The following TMTC1 variants were observed in gnomAD, a reference collection of about 807,000 sequenced individuals.
The protein encoded by TMTC1 is transmembrane O-mannosyltransferase targeting cadherins 1, also known as protein O-mannosyl-transferase TMTC1.
TMTC1 carries 73 observed loss-of-function variants against 104.8 expected under a neutral mutation model. The ratio of observed to expected loss-of-function variants is 0.70; its 90% confidence interval spans 0.58 to 0.85. The LOEUF is 0.85. TMTC1 is among the 40% of genes least tolerant of loss of function. The pLI, the probability that TMTC1 is intolerant of heterozygous loss-of-function variation, is 0.00. For missense variants in TMTC1, 1,035 were observed against 1,096.1 expected, an observed-to-expected ratio of 0.94 and a Z score of 0.79; for synonymous variants, 434 against 428.7, an observed-to-expected ratio of 1.01 and a Z score of -0.15.
rs962296207 is a variant in TMTC1, at chr12:29,527,934, A to C, written c.1786-7214T>G. The stretch of plus-strand genomic sequence containing the variant: ...CAAGGGCAATGAATCACAGCCCTAC[A>C]CCTTCAGTAACCCCAATGGCAGTTT... On this transcript the variant is annotated intron_variant, in intron 11 of 17. Coordinates refer to ENST00000539277, the MANE Select transcript of TMTC1 (RefSeq NM_001193451.2). Among the ~76,000 whole-genome samples the C allele has an allele frequency of 2.6e-5, 4 of 152,280 alleles. No individual in the cohort carries two copies. In the South Asian group the frequency reaches 8.3e-4, roughly 32 times the overall value.
intron 5 of TMTC1, among the ~76,000 whole-genome samples, chr12:29,742,090 GA>G (rs894537691): frequency 6.7e-5 from 10 of 149,262 alleles, no homozygotes; most frequent in East Asian, 1.9e-4. Context: ...TGAAAACTAT[GA>G]AAAAAAAAAT....
Position 29,506,727 on chromosome 12 carries a change from G to A in TMTC1, c.*119C>T. ...CAGATGTCCCAAAATGTGTCACCCT[G>A]AACTCGGAATGAGAGAAAATCTCAT... On this transcript the variant is annotated 3_prime_UTR_variant, in exon 18 of 18. Coordinates refer to ENST00000539277, the MANE Select transcript of TMTC1 (RefSeq NM_001193451.2). 1 of 1,330,558 alleles carries A rather than the reference G, an allele frequency of 7.5e-7. No individual in the cohort carries two copies. The highest frequency in any genetic ancestry group is 1.1e-6 in the Non-Finnish European group (1 of 944,992). The allele number at this position is 1,330,558 out of a possible 1,614,324, so 82.4% of individuals were successfully genotyped here. A position where few individuals can be genotyped will look rare whatever the true frequency, so the allele number is the denominator to read the frequency against.
intron 1 of TMTC1, among the ~76,000 whole-genome samples, chr12:29,775,885 A>G (rs933869068): frequency 6.6e-6 from 1 of 152,054 alleles, no homozygotes; most frequent in African/African-American, 2.4e-5. Context: ...ACTCCTCCTT[A>G]GCATAAACTT....
chr12:29,528,856 C>G (rs1944419746), intron 11 of TMTC1, among the ~76,000 whole-genome samples: 1 of 151,724 alleles, frequency 6.6e-6, no homozygotes, highest in Admixed American at 6.6e-5. Context: ...TGCTAGTTTA[C>G]TTAATCATAA....
chr12:29,594,716 G>T (rs1438034450), intron 7 of TMTC1, among the ~76,000 whole-genome samples: 1 of 152,210 alleles, frequency 6.6e-6, no homozygotes, highest in African/African-American at 2.4e-5. Context: ...TCCCCGCAAA[G>T]TTACGGCCCA....
chr12:29,623,109 T>G (rs1374809606), intron 6 of TMTC1, among the ~76,000 whole-genome samples: 2 of 152,224 alleles, frequency 1.3e-5, no homozygotes, highest in Non-Finnish European at 2.9e-5. Context: ...TGGCCTGGAA[T>G]AGTCTGCAAT....
intron 16 of TMTC1, 64 bp from the exon 17 acceptor site, chr12:29,512,184 C>G (rs984730535): frequency 1.5e-6 from 2 of 1,344,450 alleles, no homozygotes; most frequent in African/African-American, 1.5e-5. Flanking sequence ...ATTGCAGAAA[C>G]CACTTTCTTC....
intron 5 of TMTC1, among the ~76,000 whole-genome samples, chr12:29,709,044 G>T (rs960767477): frequency 6.6e-6 from 1 of 152,128 alleles, no homozygotes; most frequent in Non-Finnish European, 1.5e-5. Context: ...AGAGTCAAAT[G>T]CCAAGATGAA....
chr12:29,514,427 G>C, intron 16 of TMTC1, 55 bp downstream of exon 16: 1 of 1,547,856 alleles, frequency 6.5e-7, no homozygotes, highest in Middle Eastern at 1.9e-4. Flanking sequence ...AAGATCAAAA[G>C]ACAATTAATT....
chr12:29,562,183 C>G (rs148898), intron 9 of TMTC1, among the ~76,000 whole-genome samples: 81,054 of 152,014 alleles, frequency 0.53, 24,698 homozygotes, highest in Non-Finnish European at 0.67. Flanking sequence ...CCATTAACAC[C>G]TAGCAAATAA....
intron 10 of TMTC1, among the ~76,000 whole-genome samples, chr12:29,549,502 T>A (rs191113272): frequency 6.6e-6 from 1 of 152,216 alleles, no homozygotes; most frequent in Admixed American, 6.5e-5. Flanking sequence ...CACTGAAGAC[T>A]TAAGATTTGT....
At chr12:29,665,663 A>G (rs1286944740) in intron 5 of TMTC1, among the ~76,000 whole-genome samples, 1 of 152,212 alleles carries the variant, frequency 6.6e-6, no homozygotes, top group Non-Finnish European at 1.5e-5. Context: ...TGTTTGACCA[A>G]AACCTAGTCA....
chr12:29,621,763 T>C (rs998536649), intron 6 of TMTC1, among the ~76,000 whole-genome samples: 3 of 152,162 alleles, frequency 2.0e-5, no homozygotes, highest in Admixed American at 1.3e-4. Context: ...GTCTGTGACA[T>C]GGACCAGCAT....
chr12:29,782,382 C>G (rs1463807317), intron 1 of TMTC1, among the ~76,000 whole-genome samples: 1 of 152,214 alleles, frequency 6.6e-6, no homozygotes, highest in Non-Finnish European at 1.5e-5. Context: ...CTCAGCCTCT[C>G]ATCCAGAGCA....
chr12:29,723,502 C>T (rs1942296325), intron 5 of TMTC1, among the ~76,000 whole-genome samples: 1 of 152,126 alleles, frequency 6.6e-6, no homozygotes, highest in African/African-American at 2.4e-5. Flanking sequence ...AGGAAGATCT[C>T]TTGAGCACAG....
At chr12:29,678,069 A>T (rs1940792536) in intron 5 of TMTC1, among the ~76,000 whole-genome samples, 1 of 152,220 alleles carries the variant, frequency 6.6e-6, no homozygotes, top group African/African-American at 2.4e-5. Context: ...TTATTTTAGA[A>T]ATTTAATAAA....
In TMTC1 at chr12:29,767,917, T is replaced by C. The variant is rs770695787; in HGVS notation, c.461A>G (p.His154Arg). The C allele has an allele frequency of 6.2e-7, 1 of 1,613,796 alleles. No individual in the cohort carries two copies. Among genetic ancestry groups the C allele is most frequent in the South Asian group, 1.1e-5 (1 of 91,072 alleles). The change falls in exon 2 of 18, where the codon CAT (histidine) becomes CGT (arginine). Residue 154 changes from histidine to arginine, a missense_variant. Physicochemically the swap from His to Arg is conservative, Grantham distance 29. Transcript: ENST00000539277. ...AFVTALLFAV[H>R]PIHTEAVAGI... ...ACTTACCGCCTCAGTATGAATAGGA[T>C]GTACAGCAAAAAGCAATGCCGTTAC...
chr12:29,565,207 G>A (rs1205296116), intron 9 of TMTC1, among the ~76,000 whole-genome samples: 2 of 152,126 alleles, frequency 1.3e-5, no homozygotes, highest in Non-Finnish European at 1.5e-5. Context: ...TCCTTCCAGG[G>A]AAGTCTGTCT....
intron 5 of TMTC1, among the ~76,000 whole-genome samples, chr12:29,653,445 G>T (rs1476990131): frequency 6.6e-6 from 1 of 152,158 alleles, no homozygotes; most frequent in Non-Finnish European, 1.5e-5. Context: ...TGACTGACAG[G>T]TTGTGTGTCA....
Sources: gnomAD v4.1 joint callset for allele counts (sites outside exome capture counted in the v4.1 genomes callset) on GRCh38, gnomAD v4.1.1 for gene constraint, MANE v1.5 for transcripts, NCBI Gene and HGNC (gene_info 2026-07-23, HGNC 2026-07-21) for gene names.